Variants in KLHL28 observed in about 807,000 individuals in gnomAD.
KLHL28 encodes kelch like family member 28, also known as kelch-like protein 28.
A neutral mutation model predicts 48.3 loss-of-function variants in KLHL28; 22 were observed. The ratio of observed to expected loss-of-function variants is 0.46; its 90% CI spans 0.33 to 0.65. KLHL28 has a LOEUF of 0.65. KLHL28 is among the 30% of genes least tolerant of loss of function. The probability of loss-of-function intolerance (pLI) is 0.03; values close to 1 mark genes in which losing one functional copy is unlikely to be tolerated. For synonymous variants in KLHL28, 243 were observed against 242.4 expected (o/e 1.00, Z -0.02); for missense variants, 527 against 704.3 (o/e 0.75, Z 2.85).
intron 1 of KLHL28, among the ~76,000 whole-genome samples, chr14:44,957,454 A>G (rs1884842234): frequency 6.6e-6 from 1 of 152,212 alleles, no homozygotes; most frequent in African/African-American, 2.4e-5. Context: ...TGTTTTCTTA[A>G]TCTTGGAACA....
Position 44,934,273 on chromosome 14 carries a change from A to T in KLHL28, c.1185T>A (p.Asp395Glu). 3 of 1,614,172 alleles carry T rather than the reference A, an allele frequency of 1.9e-6. No individual in the cohort carries two copies. The South Asian group carries it at 3.3e-5, about 18-fold the overall frequency. Reference protein sequence around the residue: ...AGELYALGGYDGQSYLQSVEK... With the variant: ...AGELYALGGYEGQSYLQSVEK... ...CTACAGATTGTAAATAAGATTGTCC[A>T]TCATAACCACCTAAGGCATAAAGTT... Residue 395 changes from aspartate (D) to glutamate (E), a missense_variant, in exon 3 of 5, where the codon GAT (aspartate) becomes GAA (glutamate). By Grantham distance (45) the Asp-to-Glu change is conservative. Coordinates refer to ENST00000396128, the MANE Select transcript of KLHL28 (RefSeq NM_017658.5).
chr14:44,955,739 T>C (rs926081499), intron 1 of KLHL28, among the ~76,000 whole-genome samples: 6 of 152,184 alleles, frequency 3.9e-5, no homozygotes, highest in Non-Finnish European at 7.3e-5. Flanking sequence ...TGTGCAGTGA[T>C]TGCACAACTG....
At chr14:44,939,425 A>G (rs763867713) in intron 2 of KLHL28, among the ~76,000 whole-genome samples, 14 of 152,144 alleles carry the variant, frequency 9.2e-5, no homozygotes, top group Non-Finnish European at 2.1e-4. Context: ...CACTTTTTAC[A>G]TGGTCAAGCT....
At chr14:44,959,610 G>C (rs911680449) in intron 1 of KLHL28, 2 of 151,890 alleles carry the variant, frequency 1.3e-5, no homozygotes, top group Admixed American at 6.6e-5. Flanking sequence ...AAGTTTTTAG[G>C]GCAATTGTGT....
In KLHL28 at chr14:44,928,400, T is replaced by C. The variant is rs989325208; in HGVS notation, c.*628A>G. On this transcript the variant is annotated 3_prime_UTR_variant, in exon 5 of 5. Coordinates refer to ENST00000396128, the MANE Select transcript of KLHL28 (RefSeq NM_017658.5). ...ATTTCCTAAAATAGGGCCCCAAATA[T>C]CATGATAATAAAAGCAATTGTCTTA... 4 of 152,052 alleles carry C rather than the reference T, an allele frequency of 2.6e-5. No individual in the cohort carries two copies. Among genetic ancestry groups the C allele is most frequent in the Non-Finnish European group, 5.9e-5 (4 of 68,008 alleles). The allele number at this position is 152,052 out of a possible 1,614,324, so 9.4% of individuals were successfully genotyped here.
intron 1 of KLHL28, among the ~76,000 whole-genome samples, chr14:44,953,402 T>A (rs1390576275): frequency 6.6e-6 from 1 of 152,172 alleles, no homozygotes; most frequent in Non-Finnish European, 1.5e-5. Flanking sequence ...AATGCGGTAG[T>A]ATTGAGAGGT....
At chr14:44,933,513 G>A (rs1047811414) in intron 3 of KLHL28, among the ~76,000 whole-genome samples, 1 of 151,682 alleles carries the variant, frequency 6.6e-6, no homozygotes, top group Non-Finnish European at 1.5e-5. Flanking sequence ...TTCAATAAAG[G>A]TTCAGAATTA....
intron 2 of KLHL28, among the ~76,000 whole-genome samples, chr14:44,943,336 AACAATACT>A (rs1382588227): frequency 6.6e-6 from 1 of 152,228 alleles, no homozygotes; most frequent in African/African-American, 2.4e-5. Context: ...GCCCAGTCTC[AACAATACT>A]AGTTTCAGGT....
chr14:44,939,043 T>C (rs1021103671), intron 2 of KLHL28, among the ~76,000 whole-genome samples: 3 of 152,182 alleles, frequency 2.0e-5, no homozygotes, highest in African/African-American at 7.2e-5. Flanking sequence ...ATAACTCTTG[T>C]AGTCTGCAAG....
intron 2 of KLHL28, among the ~76,000 whole-genome samples, chr14:44,940,559 C>T (rs1279111703): frequency 6.6e-6 from 1 of 152,098 alleles, no homozygotes; most frequent in Non-Finnish European, 1.5e-5. Flanking sequence ...GTTACCTACC[C>T]AATCCCCACT....
chr14:44,938,182 C>G (rs1883906701), intron 2 of KLHL28, among the ~76,000 whole-genome samples: 1 of 152,106 alleles, frequency 6.6e-6, no homozygotes, highest in Admixed American at 6.5e-5. Flanking sequence ...AAGCGAGAGT[C>G]AAGGCATGAT....
intron 1 of KLHL28, among the ~76,000 whole-genome samples, chr14:44,958,236 A>G (rs968221385): frequency 5.9e-5 from 9 of 152,016 alleles, no homozygotes; most frequent in African/African-American, 1.9e-4. Context: ...CCAAGTTAAT[A>G]AAGGTCAAGT....
rs1419036950 is a variant in KLHL28, at chr14:44,926,393, A to G, written c.*2635T>C. 4.6e-5 allele frequency: 7 copies of G among 152,196 alleles called. No homozygotes were observed. The highest frequency in any genetic ancestry group is 1.0e-4 in the Non-Finnish European group (7 of 68,038). 9.4% of individuals were successfully genotyped at this position (152,196 alleles called of 1,614,324 possible). ...AGATTTTTCAAAAACAATGACCAGT[A>G]TATGTTTTTGATCTAATTTACCAAA... On this transcript the variant is annotated 3_prime_UTR_variant, in exon 5 of 5. Transcript: ENST00000396128.
At chr14:44,930,304 T>C (rs1303653254) in intron 4 of KLHL28, among the ~76,000 whole-genome samples, 1 of 152,188 alleles carries the variant, frequency 6.6e-6, no homozygotes, top group Non-Finnish European at 1.5e-5. Flanking sequence ...AAACTTTTTT[T>C]TTTGAGATGG....
intron 1 of KLHL28, among the ~76,000 whole-genome samples, chr14:44,958,944 C>T (rs1279520503): frequency 6.6e-6 from 1 of 151,788 alleles, no homozygotes; most frequent in South Asian, 2.1e-4. Flanking sequence ...TGATTCAATC[C>T]TGTATAAAAT....
intron 3 of KLHL28, among the ~76,000 whole-genome samples, chr14:44,932,337 G>C (rs910328773): frequency 1.3e-5 from 2 of 152,002 alleles, no homozygotes; most frequent in African/African-American, 4.8e-5. Flanking sequence ...AGATTGCATA[G>C]TACAAACTGG....
At chr14:44,950,281 A>G (rs1343379120) in intron 1 of KLHL28, among the ~76,000 whole-genome samples, 1 of 151,910 alleles carries the variant, frequency 6.6e-6, no homozygotes. Flanking sequence ...ATGTTGCACT[A>G]CCTCTCACTA....
At position 44,955,733 on chromosome 14, in the gene KLHL28, C is replaced by A. The variant is rs575370322; in HGVS notation, c.-1+6113G>T. 3.3e-5 allele frequency among the ~76,000 whole-genome samples: 5 copies of A among 152,316 alleles called. No homozygotes were observed. The South Asian group carries it at 1.0e-3, about 32-fold the overall frequency. On this transcript the variant is annotated intron_variant, in intron 1 of 4. Coordinates refer to ENST00000396128, the MANE Select transcript of KLHL28 (RefSeq NM_017658.5). The stretch of plus-strand genomic sequence containing the variant: ...CCCAGGAGGTCGAGGCTGCAGTGTG[C>A]AGTGATTGCACAACTGCACTCCAGC...
Position 44,934,231 on chromosome 14 carries a change from T to G in KLHL28, c.1227A>C (p.Lys409Asn). ...YLQSVEKYIP[K>N]IRKWQPVAPM... ...GTGCCACAGGTTGCCATTTTCTTAT[T>G]TTGGGAATGTACTTCTCTACAGATT... The change falls in exon 3 of 5, where the codon AAA becomes AAC. Residue 409 changes from lysine (K) to asparagine (N), a missense_variant. Lys to Asn is a moderately conservative substitution (Grantham distance 94, BLOSUM62 0). Transcript: ENST00000396128. 1 of 1,614,164 alleles carries G rather than the reference T, an allele frequency of 6.2e-7. No individual in the cohort carries two copies. Among genetic ancestry groups the G allele is most frequent in the Non-Finnish European group, 8.5e-7 (1 of 1,180,032 alleles).
Sources: gnomAD v4.1 joint callset for allele counts (sites outside exome capture counted in the v4.1 genomes callset) on GRCh38, gnomAD v4.1.1 for gene constraint, MANE v1.5 for transcripts, NCBI Gene and HGNC (gene_info 2026-07-23, HGNC 2026-07-21) for gene names.